Variants in DLAT observed in about 807,000 individuals in gnomAD.
DLAT encodes dihydrolipoyllysine-residue acetyltransferase component of pyruvate dehydrogenase complex, mitochondrial.
Under a neutral mutation model 68.0 loss-of-function variants are expected in DLAT, and 43 were observed. That is an observed-to-expected ratio of 0.63 (90% CI 0.50 to 0.81). The LOEUF is 0.81. Among genes scored for constraint, DLAT ranks in the 40% least tolerant of loss-of-function variants. The pLI is 0.00. For missense variants in DLAT, 745 were observed against 815.4 expected, an observed-to-expected ratio of 0.91 and a Z score of 1.05; for synonymous variants, 265 against 288.6, an observed-to-expected ratio of 0.92 and a Z score of 0.83.
chr11:112,063,146 G>A lies in DLAT; in HGVS notation c.*611G>A, dbSNP rs1395645047. 6.6e-6 allele frequency: 1 copy of A among 152,626 alleles called. No individual in the cohort carries two copies. The highest frequency in any genetic ancestry group is 1.5e-5 in the Non-Finnish European group (1 of 68,434). The allele number at this position is 152,626 out of a possible 1,614,324, so 9.5% of individuals were successfully genotyped here. A position where few individuals can be genotyped will look rare whatever the true frequency, so the allele number is the denominator to read the frequency against. ...TTCAGCTGATTGTTTATTTTTCTAT[G>A]AATTCCTACACATGGTTATTCCCCC... is the stretch of plus-strand genomic sequence containing the variant. On this transcript the variant is annotated 3_prime_UTR_variant, in exon 14 of 14. Transcript: ENST00000280346.
chr11:112,043,481 G>A lies in DLAT; in HGVS notation c.1145G>A (p.Gly382Asp), dbSNP rs1592688628. The change falls in exon 8 of 14, where the codon GGT becomes GAT. Residue 382 changes from glycine to aspartate, a missense_variant. Transcript: ENST00000280346. ...LTQVKGTGPD[G>D]RITKKDIDSF... Reference sequence around the variant, plus strand: ...TCTCTTACAGGGACAGGACCAGATGGTAGAATCACCAAGAAGGATATCGAC... The same window carrying A: ...TCTCTTACAGGGACAGGACCAGATGATAGAATCACCAAGAAGGATATCGAC... The A allele has an allele frequency of 5.0e-6, 8 of 1,614,070 alleles. No individual in the cohort carries two copies. The East Asian group carries it at 8.9e-5, about 18-fold the overall frequency.
intron 5 of DLAT, among the ~76,000 whole-genome samples, chr11:112,035,790 CTTT>C (rs781796619): frequency 6.6e-5 from 7 of 106,682 alleles, no homozygotes; most frequent in African/African-American, 7.5e-5. Context: ...CGCACCCAGC[CTTT>C]TTTTTTTTTT....
intron 4 of DLAT, among the ~76,000 whole-genome samples, chr11:112,033,184 GT>G (rs2137726699): frequency 6.6e-6 from 1 of 152,356 alleles, no homozygotes; most frequent in East Asian, 1.9e-4. Flanking sequence ...CTTGGAGTGT[GT>G]GTTAGAGTGT....
chr11:112,035,456 A>G (rs1410878535), intron 5 of DLAT, among the ~76,000 whole-genome samples: 3 of 151,034 alleles, frequency 2.0e-5, no homozygotes, highest in African/African-American at 4.9e-5. Flanking sequence ...TTTGAAGTCT[A>G]TTGTGGCCCA....
intron 4 of DLAT, 75 bp downstream of exon 4, chr11:112,029,020 A>T (rs782197801): frequency 2.7e-5 from 41 of 1,543,242 alleles, no homozygotes; most frequent in Non-Finnish European, 3.3e-5. Flanking sequence ...TGGCTACTAC[A>T]TCTTGGAAAC....
rs1324471911 is a variant in DLAT at position 112,051,033 on chromosome 11, T to G, written c.1399-201T>G. ...TGAGAGAATTTAGAAACTACAGTTGTCCGGGGAGGGAAAGCATTAGGAAAA... is the reference window on the plus strand; with the variant it reads ...TGAGAGAATTTAGAAACTACAGTTGGCCGGGGAGGGAAAGCATTAGGAAAA... On this transcript the variant is annotated intron_variant, in intron 10 of 13. Transcript: ENST00000280346. This position sits in a 1 kb window ranked among gnomAD's most constrained non-coding sequence, Gnocchi z 4.3. Among the ~76,000 whole-genome samples, 1 of 152,190 alleles carries G rather than the reference T, an allele frequency of 6.6e-6. No individual in the cohort carries two copies. Among genetic ancestry groups the G allele is most frequent in the Non-Finnish European group, 1.5e-5 (1 of 68,034 alleles).
intron 5 of DLAT, 29 bp from the exon 6 acceptor site, chr11:112,037,244 T>A: frequency 1.3e-6 from 2 of 1,598,448 alleles, no homozygotes; most frequent in African/African-American, 2.7e-5. Flanking sequence ...ATCTCTTAAG[T>A]CCCATAATGT....
chr11:112,027,032 G>A (rs1862071057), intron 2 of DLAT, among the ~76,000 whole-genome samples: 1 of 151,662 alleles, frequency 6.6e-6, no homozygotes, highest in Non-Finnish European at 1.5e-5. Context: ...CGGCTGGCCT[G>A]GCGGGGGCTG....
At chr11:112,054,432 T>C (rs1863877771) in intron 11 of DLAT, among the ~76,000 whole-genome samples, 1 of 152,226 alleles carries the variant, frequency 6.6e-6, no homozygotes, top group Non-Finnish European at 1.5e-5. Context: ...TGTGTATGAC[T>C]AAGACATGTA....
At chr11:112,037,163 C>A in intron 5 of DLAT, 110 bp from the exon 6 acceptor site, 1 of 1,024,330 alleles carries the variant, frequency 9.8e-7, no homozygotes, top group Admixed American at 2.0e-5. Context: ...GCAAAAAAGG[C>A]TATATAGCTA....
Position 112,043,509 on chromosome 11 carries a change from T to G in DLAT, c.1173T>G (p.Ser391=). Residue 391 remains serine, a synonymous_variant, in exon 8 of 14, where the codon TCT becomes TCG. Coordinates refer to ENST00000280346, the MANE Select transcript of DLAT (RefSeq NM_001931.5). ...GAATCACCAAGAAGGATATCGACTC[T>G]TTTGTGCCTAGTAAAGTTGCTCCTG... ...DGRITKKDID[S]FVPSKVAPAP... 1 of 1,614,174 alleles carries G rather than the reference T, an allele frequency of 6.2e-7. No homozygotes were observed. The highest frequency in any genetic ancestry group is 8.5e-7 in the Non-Finnish European group (1 of 1,180,004).
intron 2 of DLAT, among the ~76,000 whole-genome samples, chr11:112,027,206 T>G (rs1227708896): frequency 8.0e-6 from 1 of 125,074 alleles, no homozygotes; most frequent in East Asian, 2.4e-4. Flanking sequence ...AGGCGGAGGG[T>G]CTCTTCACTT....
At chr11:112,046,226 C>T (rs587762959) in intron 10 of DLAT, among the ~76,000 whole-genome samples, 1 of 152,054 alleles carries the variant, frequency 6.6e-6, no homozygotes, top group South Asian at 2.1e-4. Flanking sequence ...CTTTTGTTTC[C>T]TTGTAACAGT....
chr11:112,038,542 T>A (rs1862889639), intron 6 of DLAT, among the ~76,000 whole-genome samples: 1 of 151,042 alleles, frequency 6.6e-6, no homozygotes, highest in African/African-American at 2.4e-5. Context: ...TACAGCATAA[T>A]TTTATATTTT....
chr11:112,051,294 G>C lies in DLAT; in HGVS notation c.1459G>C (p.Ala487Pro). 1 of 1,613,600 alleles carries C rather than the reference G, an allele frequency of 6.2e-7. No homozygotes were observed. The highest frequency in any genetic ancestry group is 1.3e-5 in the African/African-American group (1 of 75,034). ...CTTCATCATAAAAGCTTCAGCTTTG[G>C]CATGTTTAAAAGTTCCCGAAGCAAA... ...NDFIIKASALACLKVPEANSS... is the reference protein window; with the variant it reads ...NDFIIKASALPCLKVPEANSS... Residue 487 changes from alanine (A) to proline (P), a missense_variant, in exon 11 of 14, where the codon GCA becomes CCA. Ala to Pro is a conservative substitution (Grantham distance 27). Coordinates refer to ENST00000280346, the MANE Select transcript of DLAT (RefSeq NM_001931.5). The surrounding 1 kb of genome is among the most constrained non-coding windows in gnomAD (Gnocchi z 4.3).
In DLAT at chr11:112,039,002, ATGT is replaced by A. The variant is rs372354327; in HGVS notation, c.976-237_976-235del. On this transcript the variant is annotated intron_variant, in intron 6 of 13. Transcript: ENST00000280346. ...TTGGCAATATTCAATTCTGTGCTTC[ATGT>A]TGTTATGGAATAAGGTAACTGTTCT... Among the ~76,000 whole-genome samples the A allele has an allele frequency of 3.3e-4, 50 of 152,300 alleles. 2 individuals are homozygous for A. The East Asian group carries it at 8.7e-3, about 26-fold the overall frequency.
chr11:112,027,205 G>C (rs1555179432), intron 2 of DLAT, among the ~76,000 whole-genome samples: 1 of 149,002 alleles, frequency 6.7e-6, no homozygotes, highest in African/African-American at 2.5e-5. Context: ...CAGGCGGAGG[G>C]TCTCTTCACT....
chr11:112,042,869 GA>G (rs1863115961), intron 7 of DLAT, among the ~76,000 whole-genome samples: 1 of 152,154 alleles, frequency 6.6e-6, no homozygotes, highest in Non-Finnish European at 1.5e-5. Flanking sequence ...ACCACATAAG[GA>G]ATGAATGATT....
chr11:112,030,263 A>T, intron 4 of DLAT: 1 of 568,510 alleles, frequency 1.8e-6, no homozygotes, highest in Admixed American at 2.0e-5. Flanking sequence ...TCTTAGGCAC[A>T]ACGTCTGCAG....
Sources: allele counts gnomAD v4.1 joint callset (sites outside exome capture counted in the v4.1 genomes callset), GRCh38; gene constraint gnomAD v4.1.1; non-coding constraint Gnocchi (gnomAD v3.1); transcripts MANE v1.5; gene names NCBI Gene and HGNC (gene_info 2026-07-23, HGNC 2026-07-21).